Variants in ARAF observed in about 807,000 individuals in gnomAD.
ARAF encodes the protein serine/threonine-protein kinase A-Raf.
In ARAF, 18 loss-of-function variants were observed where a neutral mutation model predicts 48.0. The observed-to-expected ratio is 0.37, with a 90% CI of 0.26 to 0.56. The LOEUF (loss-of-function observed/expected upper bound fraction) is 0.56, where lower values mean the gene tolerates loss of function less well. ARAF is among the 20% of genes least tolerant of loss of function. The pLI, the probability that ARAF is intolerant of heterozygous loss-of-function variation, is 0.77. For synonymous variants in ARAF, 207 were observed against 220.1 expected (o/e 0.94, Z 0.53); for missense variants, 389 against 543.1 (o/e 0.72, Z 2.82).
intron 6 of ARAF, 36 bp from the exon 7 acceptor site, chrX:47,566,602 AT>A (rs1461375361): frequency 8.8e-7 from 1 of 1,134,933 alleles, no homozygotes; most frequent in Non-Finnish European, 1.2e-6. Context: ...CGGTTCTCTG[AT>A]TCCTGGCAGT....
In ARAF at chrX:47,570,897, G is replaced by A. The variant is rs377675069; in HGVS notation, c.1571G>A (p.Arg524His). Residue 524 changes from arginine (R) to histidine (H), a missense_variant, in exon 15 of 16, where the codon CGT becomes CAT. Around this residue, in one of 4 missense-constraint regions of ARAF, gnomAD observed 170 missense variants for 281.4 expected, o/e 0.60. Coordinates refer to ENST00000377045, the MANE Select transcript of ARAF (RefSeq NM_001654.5). Reference protein sequence around the residue: ...CRDQIIFMVGRGYLSPDLSKI... With the variant: ...CRDQIIFMVGHGYLSPDLSKI... The stretch of plus-strand genomic sequence containing the variant: ...CCCCAGATTATCTTTATGGTGGGCC[G>A]TGGCTATCTGTCCCCGGACCTCAGC... 5.8e-6 allele frequency: 7 copies of A among 1,208,815 alleles called. No homozygotes were observed. Among genetic ancestry groups the A allele is most frequent in the African/African-American group, 3.5e-5 (2 of 57,111 alleles).
At chrX:47,565,839 AAT>A in intron 6 of ARAF, 1 of 148,161 alleles carries the variant, frequency 6.7e-6, no homozygotes, top group Non-Finnish European at 1.2e-5. Flanking sequence ...TTATTGCTCT[AAT>A]ATATATTTTA....
rs2057744905 is a variant in ARAF at position 47,569,095 on chromosome X, T to C, written c.1300+62T>C. 2.7e-6 allele frequency: 3 copies of C among 1,128,891 alleles called. No individual in the cohort carries two copies. In the Admixed American group the frequency reaches 7.8e-5, roughly 29 times the overall value. 93.0% of individuals were successfully genotyped at this position (1,128,891 alleles called of 1,213,427 possible). On this transcript the variant is annotated intron_variant, in intron 12 of 15. Coordinates refer to ENST00000377045, the MANE Select transcript of ARAF (RefSeq NM_001654.5). ...TGTCAAGGGCTTAGAAGGATGCCTC[T>C]TGTGGGGGTTCTGGGAATTACAAGG...
At chrX:47,569,360 G>A (rs1387034949) in intron 12 of ARAF, 179 bp from the exon 13 acceptor site, 2 of 478,573 alleles carry the variant, frequency 4.2e-6, no homozygotes, top group African/African-American at 4.8e-5. Flanking sequence ...GGCTGAGTGT[G>A]GGGGGCATTA....
rs1248613201 is a variant in ARAF at position 47,568,880 on chromosome X, T to C, written c.1239T>C (p.Thr413=). ...MVQLIDVARQ[T]AQGMDYLHAK... Reference sequence around the variant, plus strand: ...AGCTCATCGACGTGGCCCGGCAGACTGCCCAGGGCATGGAGTGAGCCTCCC... The same window carrying C: ...AGCTCATCGACGTGGCCCGGCAGACCGCCCAGGGCATGGAGTGAGCCTCCC... The change falls in exon 11 of 16, where the codon ACT becomes ACC. Residue 413 remains threonine (T), a synonymous_variant. Transcript: ENST00000377045. 4.1e-6 allele frequency: 5 copies of C among 1,206,354 alleles called. No individual in the cohort carries two copies. Among genetic ancestry groups the C allele is most frequent in the Non-Finnish European group, 5.6e-6 (5 of 893,731 alleles).
intron 10 of ARAF, among the ~76,000 whole-genome samples, chrX:47,567,870 T>A (rs1030744199): frequency 1.8e-5 from 2 of 111,500 alleles, no homozygotes; most frequent in African/African-American, 6.5e-5. Flanking sequence ...ATCATCACCA[T>A]AATCTAATCA....
At chrX:47,561,431 AACAGGAATAGGCGGGCAAGGCTG>A (rs2057707456) in intron 1 of ARAF, among the ~76,000 whole-genome samples, 180 bp downstream of exon 1, 1 of 111,920 alleles carries the variant, frequency 8.9e-6, no homozygotes, top group African/African-American at 3.2e-5. Context: ...TGGGGTGGGT[AACAGGAATAGGCGGGCAAGGCTG>A]CGGGTGATGG....
At chrX:47,565,165 GGGA>G in intron 5 of ARAF, 26 bp downstream of exon 5, 1 of 1,209,439 alleles carries the variant, frequency 8.3e-7, no homozygotes, top group Non-Finnish European at 1.1e-6. Context: ...GGTGGGTGGG[GGGA>G]TGGGGAGCAC....
At position 47,565,521 on chromosome X, in the gene ARAF, G is replaced by T. The variant is rs2057729006; in HGVS notation, c.557+171G>T. 6.2e-6 allele frequency: 5 copies of T among 802,519 alleles called. No individual in the cohort carries two copies. In the South Asian group the frequency reaches 1.5e-4, roughly 24 times the overall value. 66.1% of individuals were successfully genotyped at this position (802,519 alleles called of 1,213,427 possible). A position where few individuals can be genotyped will look rare whatever the true frequency, so the allele number is the denominator to read the frequency against. ...CTTGGGCAAGTCACCTCATTTCTCT[G>T]GGCCTCAGTTTTCTCATCTGTAAAG... is the stretch of plus-strand genomic sequence containing the variant. On this transcript the variant is annotated intron_variant, in intron 6 of 15. Coordinates refer to ENST00000377045, the MANE Select transcript of ARAF (RefSeq NM_001654.5).
In ARAF at chrX:47,568,902, T is replaced by A; in HGVS notation, c.1253+8T>A. On this transcript the variant is annotated splice_region_variant and intron_variant, in intron 11 of 15. Coordinates refer to ENST00000377045, the MANE Select transcript of ARAF (RefSeq NM_001654.5). ...GACTGCCCAGGGCATGGAGTGAGCC[T>A]CCCAGCCTGGGGAGGGGTGGGGGGA... 2 of 1,204,420 alleles carry A rather than the reference T, an allele frequency of 1.7e-6. No homozygotes were observed. The highest frequency in any genetic ancestry group is 2.2e-6 in the Non-Finnish European group (2 of 891,648).
At chrX:47,569,834 CTG>C (rs1284563527) in intron 13 of ARAF, 57 bp from the exon 14 acceptor site, 1 of 1,177,186 alleles carries the variant, frequency 8.5e-7, no homozygotes, top group Non-Finnish European at 1.1e-6. Context: ...GGATCTGGGA[CTG>C]TGGACCAGCC....
chrX:47,563,186 G>T, intron 2 of ARAF, 40 bp from the exon 3 acceptor site: 1 of 1,177,997 alleles, frequency 8.5e-7, no homozygotes, highest in Non-Finnish European at 1.2e-6. Context: ...CTGCGCTTCT[G>T]TTGGGCATTG....
rs771246106 is a variant in ARAF, at chrX:47,571,850, C to T, written c.*393C>T. The stretch of plus-strand genomic sequence containing the variant: ...ATTTTGGGGGGTCCCTTTTGTGTCT[C>T]CCCCGCCATTCAAGGACTCCTCTCT... On this transcript the variant is annotated 3_prime_UTR_variant, in exon 16 of 16. Transcript: ENST00000377045. The T allele has an allele frequency of 2.6e-5, 5 of 194,260 alleles. No homozygotes were observed. Among genetic ancestry groups the T allele is most frequent in the Admixed American group, 2.3e-4 (3 of 13,229 alleles). 16.0% of individuals were successfully genotyped at this position (194,260 alleles called of 1,213,427 possible). A position where few individuals can be genotyped will look rare whatever the true frequency, so the allele number is the denominator to read the frequency against.
chrX:47,563,284 G>A lies in ARAF; in HGVS notation c.155G>A (p.Arg52Gln), dbSNP rs140920401. ...TCTCTAGACAAGGCCCTGAAGGTGCGGGGTCTAAATCAGGACTGCTGTGTG... is the reference window on the plus strand; with the variant it reads ...TCTCTAGACAAGGCCCTGAAGGTGCAGGGTCTAAATCAGGACTGCTGTGTG... The part of the protein sequence containing the change: ...YDSLDKALKV[R>Q]GLNQDCCVVY... The change falls in exon 3 of 16, where the codon CGG becomes CAG. Residue 52 changes from arginine (R) to glutamine (Q), a missense_variant. Physicochemically the swap from Arg to Gln is conservative, Grantham distance 43. Around this residue, in one of 4 missense-constraint regions of ARAF, gnomAD observed 47 missense variants for 66.9 expected, o/e 0.70. Coordinates refer to ENST00000377045, the MANE Select transcript of ARAF (RefSeq NM_001654.5). 2 of 1,211,062 alleles carry A rather than the reference G, an allele frequency of 1.7e-6. No individual in the cohort carries two copies. The highest frequency in any genetic ancestry group is 2.2e-6 in the Non-Finnish European group (2 of 895,182).
At chrX:47,568,495 G>A (rs965782842) in intron 10 of ARAF, among the ~76,000 whole-genome samples, 1 of 110,678 alleles carries the variant, frequency 9.0e-6, no homozygotes, top group African/African-American at 3.3e-5. Context: ...GGGAGACTCG[G>A]ATGGGGAAGC....
intron 3 of ARAF, 50 bp downstream of exon 3, chrX:47,563,379 C>T: frequency 3.1e-6 from 3 of 959,028 alleles, no homozygotes; most frequent in Non-Finnish European, 3.0e-6. Context: ...ACCTCCCATC[C>T]CCTCCTCAGT....
At chrX:47,562,130 A>G (rs947381866) in intron 1 of ARAF, among the ~76,000 whole-genome samples, 3 of 108,741 alleles carry the variant, frequency 2.8e-5, no homozygotes, top group African/African-American at 1.0e-4. Context: ...TCTTCCCCAA[A>G]CTAAGGGCAG....
chrX:47,561,260 G>C lies in ARAF; in HGVS notation c.-60+9G>C, dbSNP rs1278027444. 1 of 112,263 alleles carries C rather than the reference G, an allele frequency of 8.9e-6. No individual in the cohort carries two copies. The highest frequency in any genetic ancestry group is 1.9e-5 in the Non-Finnish European group (1 of 53,224). 9.3% of individuals were successfully genotyped at this position (112,263 alleles called of 1,213,427 possible). ...CTGTAGCGGCGTGACAGGTGAGGGC[G>C]GGCCCGGGAGGGCTCGGTTTCTGGA... On this transcript the variant is annotated intron_variant, in intron 1 of 15. Coordinates refer to ENST00000377045, the MANE Select transcript of ARAF (RefSeq NM_001654.5).
intron 1 of ARAF, among the ~76,000 whole-genome samples, chrX:47,562,519 A>AC (rs1189085855): frequency 2.8e-5 from 3 of 107,482 alleles, no homozygotes; most frequent in African/African-American, 1.0e-4. Context: ...AAAAAAAAAA[A>AC]CCCAGGACAT....
Sources: gnomAD v4.1 joint callset for allele counts (sites outside exome capture counted in the v4.1 genomes callset) on GRCh38, gnomAD v4.1.1 for gene constraint, gnomAD v4.1.1 regional missense constraint, MANE v1.5 for transcripts, NCBI Gene and HGNC (gene_info 2026-07-23, HGNC 2026-07-21) for gene names.